CDH4: variants seen among roughly 807,000 people sequenced by gnomAD.
The protein encoded by CDH4 is cadherin-4.
CDH4 carries 33 observed loss-of-function variants against 86.0 expected under a neutral mutation model. That is an observed-to-expected ratio of 0.38 (90% CI 0.29 to 0.51). CDH4 has a LOEUF of 0.51. Ranked by LOEUF, CDH4 falls within the 20% of genes least tolerant of loss-of-function variation. The probability of loss-of-function intolerance (pLI) is 0.86; values close to 1 mark genes in which losing one functional copy is unlikely to be tolerated. For synonymous variants in CDH4, 555 were observed against 549.4 expected, an observed-to-expected ratio of 1.01 and a Z score of -0.14; for missense variants, 1,114 against 1,307.4, an observed-to-expected ratio of 0.85 and a Z score of 2.28.
intron 2 of CDH4, among the ~76,000 whole-genome samples, chr20:61,716,364 T>C (rs556776203): frequency 6.6e-6 from 1 of 151,606 alleles, no homozygotes; most frequent in East Asian, 1.9e-4. Context: ...GCTCCTCGCC[T>C]GTGAGCCTCC....
At chr20:61,633,276 T>C (rs1568724441) in intron 2 of CDH4, among the ~76,000 whole-genome samples, 1 of 150,774 alleles carries the variant, frequency 6.6e-6, no homozygotes. Flanking sequence ...CATCTACCCA[T>C]CCACTCATGC....
At chr20:61,798,176 C>T (rs1979640621) in intron 4 of CDH4, among the ~76,000 whole-genome samples, 1 of 152,120 alleles carries the variant, frequency 6.6e-6, no homozygotes, top group African/African-American at 2.4e-5. Context: ...AGCCATAACC[C>T]CCGCCCCGCC....
chr20:61,648,505 C>A (rs2087088970), intron 2 of CDH4, among the ~76,000 whole-genome samples: 1 of 152,190 alleles, frequency 6.6e-6, no homozygotes, highest in South Asian at 2.1e-4. Context: ...TCTGCCGAGC[C>A]CCACTTTGTC....
chr20:61,414,436 A>C (rs1180223150), intron 2 of CDH4, among the ~76,000 whole-genome samples: 1 of 152,198 alleles, frequency 6.6e-6, no homozygotes, highest in Non-Finnish European at 1.5e-5. Context: ...GGAGTCAGGG[A>C]GAGCCCTGCG....
chr20:61,791,293 C>A (rs890176359), intron 4 of CDH4, among the ~76,000 whole-genome samples: 3 of 152,254 alleles, frequency 2.0e-5, no homozygotes, highest in African/African-American at 7.2e-5. Context: ...GATGCTGAAG[C>A]CTAGCCCTGA....
intron 2 of CDH4, among the ~76,000 whole-genome samples, chr20:61,604,742 A>G (rs1201300500): frequency 6.6e-6 from 1 of 152,118 alleles, no homozygotes. Context: ...CATTTCTTGG[A>G]CAAGTCATTT....
Position 61,562,906 on chromosome 20 carries a change from A to C in CDH4, c.170-180657A>C, listed in dbSNP as rs1301758245. On this transcript the variant is annotated intron_variant, in intron 2 of 15. Coordinates refer to ENST00000614565, the MANE Select transcript of CDH4 (RefSeq NM_001794.5). ...AGTCCCTGAGTCTTCACGGCTCCTG[A>C]AGCAGCAACAGGACCCCCTGGGATC... Among the ~76,000 whole-genome samples, 3 of 152,134 alleles carry C rather than the reference A, an allele frequency of 2.0e-5. No individual in the cohort carries two copies. In the East Asian group the frequency reaches 5.8e-4, roughly 29 times the overall value.
intron 2 of CDH4, among the ~76,000 whole-genome samples, chr20:61,369,646 A>G (rs1488854381): frequency 6.6e-6 from 1 of 151,986 alleles, no homozygotes; most frequent in African/African-American, 2.4e-5. Context: ...CTCAAAATCT[A>G]CATGAAGGAA....
chr20:61,587,550 C>G (rs567408092), intron 2 of CDH4, among the ~76,000 whole-genome samples: 1 of 152,036 alleles, frequency 6.6e-6, no homozygotes, highest in Non-Finnish European at 1.5e-5. Flanking sequence ...GGTTCCAGGC[C>G]GAGCGCGGGG....
At chr20:61,908,680 C>A (rs1313544141) in intron 8 of CDH4, among the ~76,000 whole-genome samples, 1 of 152,186 alleles carries the variant, frequency 6.6e-6, no homozygotes, top group South Asian at 2.1e-4. Flanking sequence ...CGTGGGACAT[C>A]GCCCTGTCCA....
intron 2 of CDH4, among the ~76,000 whole-genome samples, chr20:61,609,101 A>T (rs906178300): frequency 2.0e-5 from 3 of 152,232 alleles, no homozygotes; most frequent in Non-Finnish European, 2.9e-5. Flanking sequence ...CCCCTCAAGC[A>T]TCATGTGTTT....
intron 4 of CDH4, among the ~76,000 whole-genome samples, chr20:61,841,215 C>T (rs556869643): frequency 4.1e-4 from 63 of 152,346 alleles, no homozygotes; most frequent in African/African-American, 1.4e-3. Context: ...CTTCTCCTAA[C>T]CCAAAGCCAA....
chr20:61,791,378 A>G (rs1979192104), intron 4 of CDH4, among the ~76,000 whole-genome samples: 1 of 152,244 alleles, frequency 6.6e-6, no homozygotes, highest in African/African-American at 2.4e-5. Context: ...GGACTTAGAG[A>G]AAGAAGTGTG....
chr20:61,569,366 A>T (rs2145703167), intron 2 of CDH4, among the ~76,000 whole-genome samples: 1 of 152,336 alleles, frequency 6.6e-6, no homozygotes, highest in South Asian at 2.1e-4. Flanking sequence ...CAAGAATAAG[A>T]CAAAGAAGTC....
At chr20:61,601,457 C>T (rs1477594137) in intron 2 of CDH4, among the ~76,000 whole-genome samples, 1 of 152,194 alleles carries the variant, frequency 6.6e-6, no homozygotes, top group Non-Finnish European at 1.5e-5. Flanking sequence ...TGTGCCCTCC[C>T]TGCAGATCTC....
Position 61,671,982 on chromosome 20 carries a change from TGGATGAATAGATG to T in CDH4, c.170-71578_170-71566del, listed in dbSNP as rs1295232719. On this transcript the variant is annotated intron_variant, in intron 2 of 15. Coordinates refer to ENST00000614565, the MANE Select transcript of CDH4 (RefSeq NM_001794.5). The stretch of plus-strand genomic sequence containing the variant: ...ATGGTTGAATAAGCGGGTAGATAGA[TGGATGAATAGATG>T]GGTGGTTGGATGTATGGATGTATGG... Among the ~76,000 whole-genome samples, 343 of 146,202 alleles carry T rather than the reference TGGATGAATAGATG, an allele frequency of 2.3e-3. 9 individuals are homozygous for T. In the South Asian group the frequency reaches 0.056, roughly 24 times the overall value.
intron 3 of CDH4, among the ~76,000 whole-genome samples, chr20:61,768,418 C>T (rs1465469896): frequency 6.6e-6 from 1 of 152,146 alleles, no homozygotes; most frequent in Non-Finnish European, 1.5e-5. Flanking sequence ...CACATGTGCG[C>T]ATGTGTACTA....
intron 7 of CDH4, among the ~76,000 whole-genome samples, chr20:61,894,619 GGC>G (rs1985012369): frequency 6.6e-6 from 1 of 152,062 alleles, no homozygotes; most frequent in Non-Finnish European, 1.5e-5. Context: ...CTTCTATCTT[GGC>G]ACCAAACGTG....
chr20:61,291,289 T>G (rs1180144823), intron 2 of CDH4, among the ~76,000 whole-genome samples: 1 of 152,200 alleles, frequency 6.6e-6, no homozygotes, highest in African/African-American at 2.4e-5. Flanking sequence ...GTGATTAAGT[T>G]AATGATCTGG....
Sources: allele counts gnomAD v4.1 joint callset (sites outside exome capture counted in the v4.1 genomes callset), GRCh38; gene constraint gnomAD v4.1.1; transcripts MANE v1.5; gene names NCBI Gene and HGNC (gene_info 2026-07-23, HGNC 2026-07-21).